SGK1: variants seen among roughly 807,000 people sequenced by gnomAD.
SGK1 encodes the protein serine/threonine-protein kinase Sgk1.
SGK1 carries 26 observed loss-of-function variants against 64.2 expected under a neutral mutation model. The observed-to-expected ratio is 0.40, with a 90% CI of 0.30 to 0.56. The LOEUF (loss-of-function observed/expected upper bound fraction) is 0.56. SGK1 is among the 20% of genes least tolerant of loss of function. SGK1 has a pLI of 0.38. For missense variants in SGK1, 519 were observed against 645.6 expected, an observed-to-expected ratio of 0.80 and a Z score of 2.12; for synonymous variants, 265 against 239.7, an observed-to-expected ratio of 1.11 and a Z score of -0.98.
At chr6:134,308,853 G>A (rs954045508) in intron 1 of SGK1, among the ~76,000 whole-genome samples, 2 of 152,112 alleles carry the variant, frequency 1.3e-5, no homozygotes, top group Non-Finnish European at 2.9e-5. Context: ...TACCGTGCCC[G>A]GCAAGCCTAG....
intron 2 of SGK1, among the ~76,000 whole-genome samples, chr6:134,218,162 G>C (rs548735152): frequency 1.3e-5 from 2 of 152,260 alleles, no homozygotes; most frequent in Non-Finnish European, 2.9e-5. Context: ...TGAGACAATC[G>C]AGGTCCAGAG....
intron 3 of SGK1, among the ~76,000 whole-genome samples, chr6:134,202,644 T>G (rs2114678157): frequency 6.6e-6 from 1 of 150,960 alleles, no homozygotes; most frequent in East Asian, 2.0e-4. Flanking sequence ...CAAGATTCTA[T>G]CTCAAAAAAA....
chr6:134,231,938 T>C (rs771032261), intron 2 of SGK1, among the ~76,000 whole-genome samples: 1 of 148,154 alleles, frequency 6.7e-6, no homozygotes, highest in East Asian at 2.0e-4. Context: ...ACCCAGGAGG[T>C]TGAGGCAGGA....
In SGK1 at chr6:134,220,082, A is replaced by G. The variant is rs1355471476; in HGVS notation, c.286-12651T>C. ...TCAAAAAAAAAAAAAAAAAAAAAAA[A>G]AAAAAGAAAAGAAAAGAAAAGAAAA... On this transcript the variant is annotated intron_variant, in intron 2 of 13. Transcript: ENST00000367858. 5.7e-5 allele frequency among the ~76,000 whole-genome samples: 8 copies of G among 139,546 alleles called. 1 individual carries two copies. Among genetic ancestry groups the G allele is most frequent in the South Asian group, 2.3e-4 (1 of 4,384 alleles). 91.5% of individuals were successfully genotyped at this position (139,546 alleles called of 152,430 possible). A position where few individuals can be genotyped will look rare whatever the true frequency, so the allele number is the denominator to read the frequency against.
chr6:134,279,474 A>G (rs1322908691), intron 1 of SGK1, among the ~76,000 whole-genome samples: 2 of 152,082 alleles, frequency 1.3e-5, no homozygotes, highest in Non-Finnish European at 2.9e-5. Context: ...TAAAGGCAAG[A>G]GTAAAAATCA....
At chr6:134,239,620 G>C (rs1776413250) in intron 2 of SGK1, among the ~76,000 whole-genome samples, 1 of 152,170 alleles carries the variant, frequency 6.6e-6, no homozygotes, top group South Asian at 2.1e-4. Context: ...CCAAAAGAAT[G>C]GATGACCAAA....
intron 2 of SGK1, among the ~76,000 whole-genome samples, chr6:134,256,709 G>T (rs1776689742): frequency 6.6e-6 from 1 of 152,150 alleles, no homozygotes; most frequent in African/African-American, 2.4e-5. Context: ...TTTAGTAACA[G>T]CTTACACAGC....
At chr6:134,266,508 C>T (rs1447217010) in intron 1 of SGK1, among the ~76,000 whole-genome samples, 1 of 152,000 alleles carries the variant, frequency 6.6e-6, no homozygotes, top group Non-Finnish European at 1.5e-5. Flanking sequence ...CCAGCTGCTC[C>T]AGAGGCTGAA....
chr6:134,175,142 G>A (rs909148099), intron 3 of SGK1, among the ~76,000 whole-genome samples: 5 of 152,152 alleles, frequency 3.3e-5, no homozygotes, highest in African/African-American at 1.2e-4. Context: ...ACGCGCCGGC[G>A]GAGGGCGCGG....
chr6:134,234,770 G>A (rs1290486166), intron 2 of SGK1, among the ~76,000 whole-genome samples: 16 of 152,216 alleles, frequency 1.1e-4, no homozygotes, highest in Admixed American at 1.0e-3. Flanking sequence ...CAGCTACTCA[G>A]GAGGCTGAGG....
intron 2 of SGK1, among the ~76,000 whole-genome samples, chr6:134,225,991 C>A (rs536682017): frequency 7.9e-5 from 12 of 151,914 alleles, no homozygotes; most frequent in African/African-American, 1.7e-4. Context: ...GCCTGTAGTC[C>A]CAATTACTCG....
chr6:134,169,400 G>C lies in SGK1; in HGVS notation c.*868C>G, dbSNP rs544727374. ...GGTGGTTTACATTACAAATAAGCCT[G>C]TAAGTTTAAATATACTAGTGTTATA... On this transcript the variant is annotated 3_prime_UTR_variant, in exon 14 of 14. Coordinates refer to ENST00000367858, the MANE Select transcript of SGK1 (RefSeq NM_001143676.3). The C allele has an allele frequency of 6.6e-6, 1 of 152,420 alleles. No individual in the cohort carries two copies. The highest frequency in any genetic ancestry group is 1.5e-5 in the Non-Finnish European group (1 of 67,980). 9.4% of individuals were successfully genotyped at this position (152,420 alleles called of 1,614,324 possible).
intron 3 of SGK1, among the ~76,000 whole-genome samples, chr6:134,188,739 AC>A (rs958571714): frequency 6.6e-6 from 1 of 151,316 alleles, no homozygotes; most frequent in Non-Finnish European, 1.5e-5. Context: ...CGCCTGGCCA[AC>A]TTTTTTTTTT....
intron 2 of SGK1, among the ~76,000 whole-genome samples, chr6:134,258,974 C>A (rs1776723950): frequency 6.6e-6 from 1 of 151,900 alleles, no homozygotes; most frequent in Non-Finnish European, 1.5e-5. Flanking sequence ...GGCAGTAGAG[C>A]AAAACCTTGT....
rs116378216 is a variant in SGK1 at position 134,188,729 on chromosome 6, C to T, written c.362-14143G>A. On this transcript the variant is annotated intron_variant, in intron 3 of 13. Transcript: ENST00000367858. ...CACACAGTAGATTTCAGAGCCACCACGCCTGGCCAACTTTTTTTTTTGAGT... is the reference window on the plus strand; with the variant it reads ...CACACAGTAGATTTCAGAGCCACCATGCCTGGCCAACTTTTTTTTTTGAGT... Among the ~76,000 whole-genome samples the T allele has an allele frequency of 3.0e-3, 457 of 151,832 alleles. 6 individuals carry two copies. Among genetic ancestry groups the T allele is most frequent in the African/African-American group, 0.01 (431 of 41,424 alleles).
chr6:134,232,417 A>AAGAAAGAG (rs1562259716), intron 2 of SGK1, among the ~76,000 whole-genome samples: 1,603 of 21,550 alleles, frequency 0.074, 237 homozygotes, highest in East Asian at 0.2. Flanking sequence ...AAGAAAGAGA[A>AAGAAAGAG]AGAAAGAAAG....
chr6:134,175,841 A>C, intron 3 of SGK1: 1 of 1,266,664 alleles, frequency 7.9e-7, no homozygotes. Context: ...GCTTTTGGCC[A>C]AAACCAAGCA....
intron 2 of SGK1, among the ~76,000 whole-genome samples, chr6:134,216,368 TTA>T (rs1361359392): frequency 6.6e-6 from 1 of 152,206 alleles, no homozygotes; most frequent in Non-Finnish European, 1.5e-5. Context: ...CAAAAATACT[TTA>T]TCTCTAGGGA....
chr6:134,180,529 T>C (rs1307711954), intron 3 of SGK1, among the ~76,000 whole-genome samples: 1 of 152,054 alleles, frequency 6.6e-6, no homozygotes, highest in African/African-American at 2.4e-5. Flanking sequence ...GACAGAAGAG[T>C]AAATTGGAAA....
Sources: gnomAD v4.1 joint callset for allele counts (sites outside exome capture counted in the v4.1 genomes callset) on GRCh38, gnomAD v4.1.1 for gene constraint, MANE v1.5 for transcripts, NCBI Gene and HGNC (gene_info 2026-07-23, HGNC 2026-07-21) for gene names.